BCKDHB: variants seen among roughly 807,000 people sequenced by gnomAD.
The protein encoded by BCKDHB is branched chain keto acid dehydrogenase E1 subunit beta, also known as 2-oxoisovalerate dehydrogenase subunit beta, mitochondrial.
In BCKDHB, 41 loss-of-function variants were observed where a neutral mutation model predicts 48.5. The observed-to-expected ratio is 0.85, with a 90% CI of 0.66 to 1.10. BCKDHB has a LOEUF of 1.10. Ranked by LOEUF, BCKDHB falls within the 50% of genes least tolerant of loss-of-function variation. BCKDHB has a pLI of 0.00. For synonymous variants in BCKDHB, 201 were observed against 174.8 expected (o/e 1.15, Z -1.18); for missense variants, 496 against 494.2 (o/e 1.00, Z -0.03).
the BCKDHB span, chr6:80,440,740 A>T: frequency 4.0e-5 from 6 of 151,806 alleles, no homozygotes; most frequent in Admixed American, 3.3e-4. Context: ...GAAGCACTGT[A>T]TGGAGAGAAA....
chr6:80,145,483 C>T (rs985216939), intron 3 of BCKDHB, among the ~76,000 whole-genome samples: 1 of 152,206 alleles, frequency 6.6e-6, no homozygotes. Flanking sequence ...GTAAGTTTAA[C>T]ACAAGCCCAC....
chr6:80,384,863 G>C, the BCKDHB span, among the ~76,000 whole-genome samples: 1 of 152,124 alleles, frequency 6.6e-6, no homozygotes, highest in Non-Finnish European at 1.5e-5. Flanking sequence ...ATTAAGGATG[G>C]ACTTCTTTTG....
intron 6 of BCKDHB, among the ~76,000 whole-genome samples, chr6:80,190,458 C>G (rs1369337311): frequency 1.3e-5 from 2 of 151,946 alleles, no homozygotes; most frequent in African/African-American, 4.8e-5. Flanking sequence ...GCTGAGTGGC[C>G]ACACTATCTA....
intron 9 of BCKDHB, among the ~76,000 whole-genome samples, chr6:80,278,105 GT>G (rs1778042078): frequency 6.6e-6 from 1 of 152,108 alleles, no homozygotes; most frequent in Admixed American, 6.6e-5. Context: ...TGCCGTGCTG[GT>G]AAATTGTCAT....
chr6:80,108,308 G>GTTT (rs574194102), intron 1 of BCKDHB, among the ~76,000 whole-genome samples: 1 of 131,112 alleles, frequency 7.6e-6, no homozygotes. Flanking sequence ...AATAGTAGGT[G>GTTT]TTTTTTTTTT....
intron 6 of BCKDHB, among the ~76,000 whole-genome samples, chr6:80,191,760 C>T (rs1462425517): frequency 6.6e-6 from 1 of 152,060 alleles, no homozygotes; most frequent in Non-Finnish European, 1.5e-5. Flanking sequence ...CAAGGAGATG[C>T]TAAATGGTTG....
chr6:80,304,695 A>T (rs1767765949), intron 9 of BCKDHB, among the ~76,000 whole-genome samples: 1 of 152,186 alleles, frequency 6.6e-6, no homozygotes, highest in Non-Finnish European at 1.5e-5. Context: ...AAGTTTTTAT[A>T]GCAAACTGAA....
At chr6:80,439,808 T>C in the BCKDHB span, among the ~76,000 whole-genome samples, 4,257 of 152,270 alleles carry the variant, frequency 0.028, 87 homozygotes, top group South Asian at 0.053. Context: ...GCCAAAACCC[T>C]CTCTAGTTAG....
intron 1 of BCKDHB, among the ~76,000 whole-genome samples, chr6:80,119,552 C>T (rs1008549282): frequency 3.9e-5 from 6 of 152,060 alleles, no homozygotes; most frequent in African/African-American, 1.2e-4. Flanking sequence ...AACTCCTGGC[C>T]TCAAGTGATC....
In BCKDHB at chr6:80,254,440, A is replaced by G. The variant is rs538761276; in HGVS notation, c.952-18695A>G. Reference sequence around the variant, plus strand: ...CCTGGGTGCGATGGCTCATGCCTGTAATCCTAGCACTTTGAGAGGCCGAAG... The same window carrying G: ...CCTGGGTGCGATGGCTCATGCCTGTGATCCTAGCACTTTGAGAGGCCGAAG... On this transcript the variant is annotated intron_variant, in intron 8 of 9. Transcript: ENST00000320393. Among the ~76,000 whole-genome samples the G allele has an allele frequency of 1.4e-4, 22 of 152,270 alleles. No homozygotes were observed. The East Asian group carries it at 2.5e-3, about 17-fold the overall frequency.
intron 6 of BCKDHB, among the ~76,000 whole-genome samples, chr6:80,184,208 T>G (rs1242853039): frequency 6.6e-6 from 1 of 152,216 alleles, no homozygotes; most frequent in East Asian, 1.9e-4. Flanking sequence ...ATATCCCCCT[T>G]TGACTTTTTA....
intron 9 of BCKDHB, among the ~76,000 whole-genome samples, chr6:80,301,920 A>G (rs550431704): frequency 2.3e-4 from 35 of 152,330 alleles, no homozygotes; most frequent in African/African-American, 5.8e-4. Flanking sequence ...TTACCTCAGT[A>G]GATGCAAAAA....
the BCKDHB span, among the ~76,000 whole-genome samples, chr6:80,352,393 A>G: frequency 7.9e-5 from 12 of 152,146 alleles, no homozygotes; most frequent in African/African-American, 2.4e-4. Context: ...TATGGAGTCA[A>G]TCTTGCCAGG....
intron 6 of BCKDHB, among the ~76,000 whole-genome samples, chr6:80,188,949 C>T (rs1223557597): frequency 6.6e-6 from 1 of 152,084 alleles, no homozygotes; most frequent in East Asian, 1.9e-4. Flanking sequence ...CATTTTTAGT[C>T]TTTCTGAGAC....
the BCKDHB span, chr6:80,374,391 A>G: frequency 1.3e-6 from 1 of 797,478 alleles, no homozygotes; most frequent in Non-Finnish European, 2.3e-6. Context: ...GTAACGTCGG[A>G]ATGGTACGCA....
At chr6:80,203,469 C>T (rs552989848) in intron 8 of BCKDHB, among the ~76,000 whole-genome samples, 2 of 152,116 alleles carry the variant, frequency 1.3e-5, no homozygotes, top group East Asian at 1.9e-4. Context: ...TATGCAGTCA[C>T]CTTGGGTTGA....
chr6:80,257,756 G>A (rs946485292), intron 8 of BCKDHB, among the ~76,000 whole-genome samples: 1 of 152,080 alleles, frequency 6.6e-6, no homozygotes, highest in African/African-American at 2.4e-5. Context: ...CGGTTCTGGT[G>A]TAAGTCCCGG....
At chr6:80,155,677 T>G (rs1294281976) in intron 3 of BCKDHB, among the ~76,000 whole-genome samples, 5 of 152,120 alleles carry the variant, frequency 3.3e-5, no homozygotes, top group African/African-American at 1.2e-4. Flanking sequence ...CTTAATTTAC[T>G]TAAAGAACAC....
At chr6:80,259,517 G>A (rs1582457089) in intron 8 of BCKDHB, among the ~76,000 whole-genome samples, 2 of 152,224 alleles carry the variant, frequency 1.3e-5, no homozygotes, top group African/African-American at 2.4e-5. Context: ...TGTGAAAAGG[G>A]TGCATTTATA....
Sources: gnomAD v4.1 joint callset for allele counts (sites outside exome capture counted in the v4.1 genomes callset) on GRCh38, gnomAD v4.1.1 for gene constraint, MANE v1.5 for transcripts, NCBI Gene and HGNC (gene_info 2026-07-23, HGNC 2026-07-21) for gene names.